Variants in CNIH3 observed in about 807,000 individuals in gnomAD.
CNIH3 encodes cornichon family AMPA receptor auxiliary protein 3.
CNIH3 carries 14 observed loss-of-function variants against 24.1 expected under a neutral mutation model. That is an observed-to-expected ratio of 0.58 (90% CI 0.38 to 0.91). The LOEUF is 0.91. Among genes scored for constraint, CNIH3 ranks in the 40% least tolerant of loss-of-function variants. The pLI is 0.00. For missense variants in CNIH3, 178 were observed against 196.8 expected (o/e 0.90, Z 0.57); for synonymous variants, 68 against 73.8 (o/e 0.92, Z 0.40).
chr1:224,734,137 GTCC>G (rs1689476229), intron 4 of CNIH3, among the ~76,000 whole-genome samples: 1 of 152,224 alleles, frequency 6.6e-6, no homozygotes, highest in South Asian at 2.1e-4. Context: ...AGAATAGGAT[GTCC>G]CGAAGTATTC....
At chr1:224,738,107 T>G (rs1483775830) in intron 5 of CNIH3, among the ~76,000 whole-genome samples, 1 of 152,232 alleles carries the variant, frequency 6.6e-6, no homozygotes, top group East Asian at 1.9e-4. Flanking sequence ...CATTCACCTC[T>G]GCGTCTGCAG....
chr1:224,662,579 T>A (rs1482810652), intron 1 of CNIH3, among the ~76,000 whole-genome samples: 2 of 152,206 alleles, frequency 1.3e-5, no homozygotes, highest in African/African-American at 4.8e-5. Flanking sequence ...CATGAAAACA[T>A]TTCTGTTTTA....
At chr1:224,522,425 T>C (rs544985471) in intron 2 of CNIH3, among the ~76,000 whole-genome samples, 1 of 152,282 alleles carries the variant, frequency 6.6e-6, no homozygotes, top group East Asian at 1.9e-4. Flanking sequence ...CCAGGACAGA[T>C]GACAACCATC....
At chr1:224,723,001 G>A (rs1401530203) in intron 3 of CNIH3, among the ~76,000 whole-genome samples, 1 of 152,200 alleles carries the variant, frequency 6.6e-6, no homozygotes. Flanking sequence ...ATGCAGGATG[G>A]TTGGGCTGCA....
At chr1:224,461,296 C>T (rs950085416) in intron 1 of CNIH3, among the ~76,000 whole-genome samples, 1 of 152,146 alleles carries the variant, frequency 6.6e-6, no homozygotes, top group Non-Finnish European at 1.5e-5. Flanking sequence ...AGCCACTGTG[C>T]CTGGCCTCCA....
upstream of CNIH3, among the ~76,000 whole-genome samples, chr1:224,613,831 C>A (rs995091857): frequency 6.6e-6 from 1 of 152,032 alleles, no homozygotes; most frequent in Non-Finnish European, 1.5e-5. Context: ...GCCTGCAGAA[C>A]GGTGAGCCAA....
chr1:224,594,859 A>G (rs74146401), intron 3 of CNIH3, among the ~76,000 whole-genome samples: 3,967 of 152,342 alleles, frequency 0.026, 178 homozygotes, highest in African/African-American at 0.09. Flanking sequence ...AGAAAGAGTT[A>G]TAAGATAAAC....
chr1:224,455,845 G>C lies in CNIH3; in HGVS notation n.203+20983G>C, dbSNP rs549400793. 3.9e-5 allele frequency among the ~76,000 whole-genome samples: 6 copies of C among 152,264 alleles called. No homozygotes were observed. In the South Asian group the frequency reaches 1.2e-3, roughly 32 times the overall value. On this transcript the variant is annotated intron_variant and non_coding_transcript_variant, in intron 1 of 5. Coordinates refer to the CNIH3 transcript ENST00000471578. ...AGGTATAAACATTGTTTTACCCCTTGATATTTTTATATGAAGCATTTGGCT... is the reference window on the plus strand; with the variant it reads ...AGGTATAAACATTGTTTTACCCCTTCATATTTTTATATGAAGCATTTGGCT...
intron 4 of CNIH3, among the ~76,000 whole-genome samples, chr1:224,581,836 A>C (rs753548622): frequency 2.0e-5 from 3 of 152,200 alleles, no homozygotes; most frequent in African/African-American, 4.8e-5. Context: ...ATAAACCTAG[A>C]CTTTGAGAGA....
intron 1 of CNIH3, among the ~76,000 whole-genome samples, chr1:224,507,447 A>C (rs970972297): frequency 6.6e-6 from 1 of 152,218 alleles, no homozygotes; most frequent in Non-Finnish European, 1.5e-5. Context: ...TAAATGGGTT[A>C]ATATTTTTAA....
At chr1:224,484,005 T>C (rs1392381692) in intron 1 of CNIH3, among the ~76,000 whole-genome samples, 1 of 151,944 alleles carries the variant, frequency 6.6e-6, no homozygotes, top group African/African-American at 2.4e-5. Context: ...ACCCCGTCTC[T>C]ACTAAAAATA....
At chr1:224,496,077 C>T (rs927726346) in intron 1 of CNIH3, among the ~76,000 whole-genome samples, 2 of 152,198 alleles carry the variant, frequency 1.3e-5, no homozygotes, top group African/African-American at 4.8e-5. Flanking sequence ...GACTCAGCCC[C>T]TTGTCCTCCC....
At chr1:224,543,230 A>T (rs1032436419) in intron 2 of CNIH3, among the ~76,000 whole-genome samples, 1 of 152,160 alleles carries the variant, frequency 6.6e-6, no homozygotes, top group Admixed American at 6.5e-5. Context: ...TGGTGCTGGG[A>T]GGGTGACACG....
intron 1 of CNIH3, among the ~76,000 whole-genome samples, chr1:224,663,251 C>T (rs1025570712): frequency 3.3e-5 from 5 of 152,146 alleles, no homozygotes; most frequent in South Asian, 2.1e-4. Flanking sequence ...TGGGTATGGC[C>T]GTAGACTTTC....
intron 2 of CNIH3, among the ~76,000 whole-genome samples, chr1:224,536,284 CTTTTTTTTTTT>C (rs373201561): frequency 8.1e-5 from 7 of 86,044 alleles, no homozygotes; most frequent in African/African-American, 3.0e-4. Context: ...TAATTGTTGT[CTTTTTTTTTTT>C]TTTTTTTTTT....
At chr1:224,666,600 C>T (rs891938119) in intron 1 of CNIH3, among the ~76,000 whole-genome samples, 1 of 152,128 alleles carries the variant, frequency 6.6e-6, no homozygotes, top group Admixed American at 6.5e-5. Context: ...TGGCTCAGCC[C>T]TCAATCGCCA....
At chr1:224,679,451 C>A (rs191943122) in intron 1 of CNIH3, among the ~76,000 whole-genome samples, 2 of 152,294 alleles carry the variant, frequency 1.3e-5, no homozygotes, top group Admixed American at 6.5e-5. Flanking sequence ...AGTTTGCTGA[C>A]CCTGGCTTAG....
intron 3 of CNIH3, among the ~76,000 whole-genome samples, chr1:224,711,078 G>A (rs984555312): frequency 2.0e-5 from 3 of 152,098 alleles, no homozygotes; most frequent in Non-Finnish European, 4.4e-5. Context: ...CTCTGAAGCA[G>A]AAAATGAAAC....
upstream of CNIH3, among the ~76,000 whole-genome samples, chr1:224,510,868 C>T (rs1678123110): frequency 6.6e-6 from 1 of 152,192 alleles, no homozygotes; most frequent in African/African-American, 2.4e-5. Flanking sequence ...TGTCCCCTTC[C>T]TCCCTGGCTT....
Sources: gnomAD v4.1 joint callset for allele counts (sites outside exome capture counted in the v4.1 genomes callset) on GRCh38, gnomAD v4.1.1 for gene constraint, MANE v1.5 for transcripts, NCBI Gene and HGNC (gene_info 2026-07-23, HGNC 2026-07-21) for gene names.